TMEM244: variants seen among roughly 807,000 people sequenced by gnomAD.
TMEM244 encodes the protein putative transmembrane protein 244.
In TMEM244, 13 loss-of-function variants were observed where a neutral mutation model predicts 15.8. The ratio of observed to expected loss-of-function variants is 0.82; its 90% CI spans 0.53 to 1.30. TMEM244 has a LOEUF of 1.30. Among genes scored for constraint, TMEM244 ranks in the 50% most tolerant of loss-of-function variants. The pLI, the probability that TMEM244 is intolerant of heterozygous loss-of-function variation, is 0.00. For synonymous variants in TMEM244, 45 were observed against 48.7 expected (o/e 0.92, Z 0.32); for missense variants, 161 against 144.9 (o/e 1.11, Z -0.57).
At chr6:129,858,157 T>G (rs1037852274) in intron 1 of TMEM244, among the ~76,000 whole-genome samples, 8 of 152,304 alleles carry the variant, frequency 5.3e-5, no homozygotes, top group African/African-American at 1.9e-4. Context: ...TCTGTATTCA[T>G]AAGTGAGATT....
At chr6:129,841,278 A>T (rs1487202140) in intron 3 of TMEM244, among the ~76,000 whole-genome samples, 2 of 152,154 alleles carry the variant, frequency 1.3e-5, no homozygotes, top group Non-Finnish European at 2.9e-5. Context: ...TTGTAGGGAC[A>T]TGGATGAAGC....
chr6:129,849,358 C>G lies in TMEM244; in HGVS notation c.34-3506G>C, dbSNP rs112925904. Among the ~76,000 whole-genome samples, 1,282 of 147,774 alleles carry G rather than the reference C, an allele frequency of 8.7e-3. 23 individuals carry two copies. Among genetic ancestry groups the G allele is most frequent in the African/African-American group, 0.027 (1,094 of 39,970 alleles). On this transcript the variant is annotated intron_variant, in intron 1 of 4. Transcript: ENST00000368143. ...CATTTGCTTTTAGTATTTTCTTCCT[C>G]GAATCTACACCCTACAGAGCCTATG...
intron 2 of TMEM244, among the ~76,000 whole-genome samples, chr6:129,844,735 A>C (rs1005079319): frequency 3.9e-5 from 6 of 152,192 alleles, no homozygotes; most frequent in African/African-American, 1.4e-4. Flanking sequence ...CACTGTCTCC[A>C]GTCCCAGGGA....
At chr6:129,861,108 T>C (rs372778788) in intron 1 of TMEM244, 48 bp downstream of exon 1, 7 of 1,607,738 alleles carry the variant, frequency 4.4e-6, no homozygotes, top group Non-Finnish European at 6.0e-6. Context: ...TTTACACCAG[T>C]GCTAGGCAGC....
At chr6:129,849,750 G>T (rs1168359680) in intron 1 of TMEM244, among the ~76,000 whole-genome samples, 1 of 152,060 alleles carries the variant, frequency 6.6e-6, no homozygotes, top group Non-Finnish European at 1.5e-5. Flanking sequence ...GAGAACTACT[G>T]ATCTGGAGGC....
chr6:129,841,676 T>A (rs1459606687), intron 3 of TMEM244, among the ~76,000 whole-genome samples: 1 of 152,120 alleles, frequency 6.6e-6, no homozygotes, highest in Middle Eastern at 3.2e-3. Flanking sequence ...CTCAAAAAAA[T>A]TGTTGGGAGG....
chr6:129,850,573 G>A (rs1776624643), intron 1 of TMEM244, among the ~76,000 whole-genome samples: 1 of 152,160 alleles, frequency 6.6e-6, no homozygotes, highest in South Asian at 2.1e-4. Context: ...ATTGGAATTT[G>A]CAATTGATGA....
At chr6:129,858,487 T>G (rs1054798905) in intron 1 of TMEM244, among the ~76,000 whole-genome samples, 4 of 152,182 alleles carry the variant, frequency 2.6e-5, no homozygotes, top group Non-Finnish European at 4.4e-5. Flanking sequence ...GTCTGGCTCA[T>G]ATATCATCTT....
At chr6:129,857,170 G>C (rs1310762823) in intron 1 of TMEM244, among the ~76,000 whole-genome samples, 2 of 151,788 alleles carry the variant, frequency 1.3e-5, no homozygotes, top group East Asian at 3.9e-4. Flanking sequence ...TATTTTCATT[G>C]ATTGTTTTGG....
chr6:129,837,450 G>C (rs563803979), intron 3 of TMEM244, among the ~76,000 whole-genome samples: 37 of 152,278 alleles, frequency 2.4e-4, no homozygotes, highest in African/African-American at 8.2e-4. Flanking sequence ...GGAACAACAG[G>C]TACTAGCCAC....
At chr6:129,850,141 C>T (rs1258835112) in intron 1 of TMEM244, among the ~76,000 whole-genome samples, 1 of 152,140 alleles carries the variant, frequency 6.6e-6, no homozygotes, top group African/African-American at 2.4e-5. Flanking sequence ...CCTTATGCTA[C>T]TTATGATGAG....
At chr6:129,841,681 G>A (rs1319905346) in intron 3 of TMEM244, among the ~76,000 whole-genome samples, 1 of 152,042 alleles carries the variant, frequency 6.6e-6, no homozygotes, top group African/African-American at 2.4e-5. Flanking sequence ...AAAAATTGTT[G>A]GGAGGATTTT....
At chr6:129,857,442 G>A (rs755526667) in intron 1 of TMEM244, among the ~76,000 whole-genome samples, 21 of 151,728 alleles carry the variant, frequency 1.4e-4, no homozygotes, top group Non-Finnish European at 2.5e-4. Flanking sequence ...CACAACCTCC[G>A]TCTCCTGGGT....
At chr6:129,847,589 A>T (rs1243266037) in intron 1 of TMEM244, among the ~76,000 whole-genome samples, 1 of 151,840 alleles carries the variant, frequency 6.6e-6, no homozygotes, top group Non-Finnish European at 1.5e-5. Flanking sequence ...AGAAAACAGG[A>T]CTCCAAGGTT....
intron 2 of TMEM244, 56 bp downstream of exon 2, chr6:129,845,711 T>C: frequency 8.0e-7 from 1 of 1,243,200 alleles, no homozygotes; most frequent in Non-Finnish European, 1.2e-6. Context: ...AATATAAACA[T>C]CTTTCCTATT....
chr6:129,833,029 T>A (rs1395133032), intron 4 of TMEM244, among the ~76,000 whole-genome samples: 1 of 151,984 alleles, frequency 6.6e-6, no homozygotes, highest in Non-Finnish European at 1.5e-5. Flanking sequence ...CTGAATCAGA[T>A]TGGATGTTGA....
chr6:129,834,605 C>A (rs1057361227), intron 3 of TMEM244, among the ~76,000 whole-genome samples: 10 of 152,176 alleles, frequency 6.6e-5, no homozygotes, highest in Admixed American at 4.6e-4. Flanking sequence ...AGGAAGCATG[C>A]CCCAGGTGCA....
At chr6:129,845,660 A>G in intron 2 of TMEM244, 107 bp downstream of exon 2, 1 of 882,132 alleles carries the variant, frequency 1.1e-6, no homozygotes, top group Non-Finnish European at 1.8e-6. Flanking sequence ...GTCTTTAAAA[A>G]AATCCACATC....
At chr6:129,848,681 G>A (rs1318202856) in intron 1 of TMEM244, among the ~76,000 whole-genome samples, 1 of 152,180 alleles carries the variant, frequency 6.6e-6, no homozygotes, top group Non-Finnish European at 1.5e-5. Context: ...TTGCTGGGAT[G>A]AGAATTTGCT....
Sources: gnomAD v4.1 joint callset for allele counts (sites outside exome capture counted in the v4.1 genomes callset) on GRCh38, gnomAD v4.1.1 for gene constraint, MANE v1.5 for transcripts, NCBI Gene and HGNC (gene_info 2026-07-23, HGNC 2026-07-21) for gene names.